Variants in PCDH9 observed in about 807,000 individuals in gnomAD.
The protein encoded by PCDH9 is protocadherin-9.
PCDH9 carries 24 observed loss-of-function variants against 70.6 expected under a neutral mutation model. That is an observed-to-expected ratio of 0.34 (90% CI 0.25 to 0.48). The LOEUF is 0.48. Among genes scored for constraint, PCDH9 ranks in the 20% least tolerant of loss-of-function variants. The pLI, the probability that PCDH9 is intolerant of heterozygous loss-of-function variation, is 0.99. For missense variants in PCDH9, 1,281 were observed against 1,503.6 expected (o/e 0.85, Z 2.45); for synonymous variants, 562 against 558.5 (o/e 1.01, Z -0.09).
chr13:66,339,158 C>A (rs1956085480), intron 4 of PCDH9, among the ~76,000 whole-genome samples: 1 of 151,996 alleles, frequency 6.6e-6, no homozygotes, highest in Non-Finnish European at 1.5e-5. Flanking sequence ...ACAGTTGTAG[C>A]TTTTATGATC....
At chr13:67,066,487 G>C (rs543424980) in intron 2 of PCDH9, among the ~76,000 whole-genome samples, 1 of 152,306 alleles carries the variant, frequency 6.6e-6, no homozygotes, top group South Asian at 2.1e-4. Flanking sequence ...GCCCGCCTCA[G>C]CCTCCCAAAG....
At chr13:66,587,226 G>C (rs1356249226) in intron 4 of PCDH9, among the ~76,000 whole-genome samples, 2 of 151,958 alleles carry the variant, frequency 1.3e-5, no homozygotes, top group Non-Finnish European at 2.9e-5. Flanking sequence ...TGAGCCCACA[G>C]GGTTGAGGCT....
chr13:67,145,102 T>G (rs2087489062), intron 2 of PCDH9, among the ~76,000 whole-genome samples: 1 of 152,088 alleles, frequency 6.6e-6, no homozygotes, highest in Non-Finnish European at 1.5e-5. Context: ...GTCCTTTCTT[T>G]TTCTTCCTAA....
At chr13:67,202,534 G>A (rs536913474) in intron 2 of PCDH9, 1 of 152,080 alleles carries the variant, frequency 6.6e-6, no homozygotes, top group Non-Finnish European at 1.5e-5. Flanking sequence ...AGCACCACAT[G>A]TCAAGCACCC....
intron 4 of PCDH9, among the ~76,000 whole-genome samples, chr13:66,536,957 T>C (rs1009948432): frequency 6.6e-6 from 1 of 152,148 alleles, no homozygotes; most frequent in African/African-American, 2.4e-5. Flanking sequence ...CTAAAAGCTC[T>C]CAAAAAATTC....
Position 66,963,567 on chromosome 13 carries a change from C to T in PCDH9, c.3037-59962G>A, listed in dbSNP as rs577892915. ...TTACTAAGTGCACCACATTGATAGA[C>T]TTTGATTTTTATCATTGGTGTTAGC... On this transcript the variant is annotated intron_variant, in intron 2 of 4. Transcript: ENST00000377865. Among the ~76,000 whole-genome samples, 4 of 152,236 alleles carry T rather than the reference C, an allele frequency of 2.6e-5. No individual in the cohort carries two copies. The South Asian group carries it at 8.3e-4, about 32-fold the overall frequency.
intron 4 of PCDH9, among the ~76,000 whole-genome samples, chr13:66,522,584 C>T (rs1960044849): frequency 6.6e-6 from 1 of 151,926 alleles, no homozygotes; most frequent in Non-Finnish European, 1.5e-5. Context: ...ATGGTCTTTG[C>T]AAATATAGTT....
At chr13:66,806,764 C>T (rs773425672) in intron 3 of PCDH9, among the ~76,000 whole-genome samples, 3 of 152,120 alleles carry the variant, frequency 2.0e-5, no homozygotes, top group Non-Finnish European at 4.4e-5. Flanking sequence ...CAAGGAAGTA[C>T]GGTGCTTAGC....
chr13:66,791,014 T>C (rs367890366), intron 3 of PCDH9, among the ~76,000 whole-genome samples: 3 of 152,266 alleles, frequency 2.0e-5, no homozygotes, highest in South Asian at 2.1e-4. Context: ...ACCATTACTA[T>C]GCAAATTCTC....
chr13:66,968,608 C>T (rs945768104), intron 2 of PCDH9, among the ~76,000 whole-genome samples: 5 of 152,012 alleles, frequency 3.3e-5, no homozygotes, highest in African/African-American at 9.7e-5. Flanking sequence ...AACTTTGATT[C>T]TGTTAATCGG....
intron 3 of PCDH9, among the ~76,000 whole-genome samples, chr13:66,849,517 T>TATATATAGAGAGAGAGAGAG (rs1272589939): frequency 4.7e-5 from 3 of 63,576 alleles, no homozygotes; most frequent in African/African-American, 1.7e-4. Context: ...TATATATATA[T>TATATATAGAGAGAGAGAGAG]AGAGAGAGAG....
In PCDH9 at chr13:67,227,150, C is replaced by T; in HGVS notation, c.1291G>A (p.Gly431Ser). The change falls in exon 2 of 5, where the codon GGC becomes AGC. Residue 431 changes from glycine (G) to serine (S), a missense_variant. By Grantham distance (56) the Gly-to-Ser change is moderately conservative. Coordinates refer to ENST00000377865, the MANE Select transcript of PCDH9 (RefSeq NM_203487.3). This position sits in a 1 kb window ranked among gnomAD's most constrained non-coding sequence, Gnocchi z 4.6. ...ATTTTAAAGCTGAATTCTTTGGTGC[C>T]CTCATAGTCCAACAAAGAAGAGGTC... ...LETSSLLDYEGTKEFSFKIVA... is the reference protein window; with the variant it reads ...LETSSLLDYESTKEFSFKIVA... The T allele has an allele frequency of 1.2e-6, 2 of 1,613,416 alleles. No homozygotes were observed. Among genetic ancestry groups the T allele is most frequent in the Middle Eastern group, 1.6e-4 (1 of 6,062 alleles).
intron 3 of PCDH9, among the ~76,000 whole-genome samples, chr13:66,820,237 T>A (rs1566216079): frequency 1.3e-5 from 2 of 152,202 alleles, no homozygotes; most frequent in Non-Finnish European, 2.9e-5. Context: ...TTATACACTA[T>A]GCACTGTATT....
intron 3 of PCDH9, among the ~76,000 whole-genome samples, chr13:66,788,332 A>G (rs994354409): frequency 6.6e-6 from 1 of 152,192 alleles, no homozygotes; most frequent in Non-Finnish European, 1.5e-5. Flanking sequence ...TGCATTGCAG[A>G]TTAAGTTTTC....
intron 4 of PCDH9, among the ~76,000 whole-genome samples, chr13:66,337,189 C>T (rs1336530580): frequency 6.6e-6 from 1 of 151,786 alleles, no homozygotes; most frequent in Non-Finnish European, 1.5e-5. Context: ...AATATAAAAC[C>T]ACTTTATTAA....
chr13:67,114,575 C>G (rs1196319480), intron 2 of PCDH9, among the ~76,000 whole-genome samples: 1 of 152,030 alleles, frequency 6.6e-6, no homozygotes, highest in Non-Finnish European at 1.5e-5. Context: ...TTTCCAAACA[C>G]CTTTACACCA....
At chr13:66,511,303 T>A (rs1386562684) in intron 4 of PCDH9, among the ~76,000 whole-genome samples, 2 of 152,192 alleles carry the variant, frequency 1.3e-5, no homozygotes, top group Non-Finnish European at 2.9e-5. Context: ...TCACATATAC[T>A]TGGATTAGAA....
intron 4 of PCDH9, among the ~76,000 whole-genome samples, chr13:66,629,662 T>A (rs1287563212): frequency 6.6e-6 from 1 of 152,206 alleles, no homozygotes; most frequent in Non-Finnish European, 1.5e-5. Context: ...GTTTTCTTTA[T>A]GTGACCAAGG....
In PCDH9 at chr13:67,114,841, AT is replaced by A. The variant is rs374332473; in HGVS notation, c.3036+110563del. On this transcript the variant is annotated intron_variant, in intron 2 of 4. Transcript: ENST00000377865. ...AACAAAAGGAGAATATTGCCTGGATATTTTTTCCTTTGTATCTGATTAGACT... is the reference window on the plus strand; with the variant it reads ...AACAAAAGGAGAATATTGCCTGGATATTTTTCCTTTGTATCTGATTAGACT... 1.4e-4 allele frequency among the ~76,000 whole-genome samples: 21 copies of A among 152,204 alleles called. No homozygotes were observed. The East Asian group carries it at 2.1e-3, about 15-fold the overall frequency.
Sources: allele counts gnomAD v4.1 joint callset (sites outside exome capture counted in the v4.1 genomes callset), GRCh38; gene constraint gnomAD v4.1.1; non-coding constraint Gnocchi (gnomAD v3.1); transcripts MANE v1.5; gene names NCBI Gene and HGNC (gene_info 2026-07-23, HGNC 2026-07-21).